The following PPP2R2C variants were observed in gnomAD, a reference collection of about 807,000 sequenced individuals.
The protein encoded by PPP2R2C is protein phosphatase 2 regulatory subunit Bgamma, also known as protein phosphatase 2, regulatory subunit B, gamma.
PPP2R2C carries 10 observed loss-of-function variants against 45.3 expected under a neutral mutation model. The ratio of observed to expected loss-of-function variants is 0.22; its 90% CI spans 0.14 to 0.37. The LOEUF is 0.37. Ranked by LOEUF, PPP2R2C falls within the 10% of genes least tolerant of loss-of-function variation. The probability of loss-of-function intolerance (pLI) is 1.00; values close to 1 mark genes in which losing one functional copy is unlikely to be tolerated. For synonymous variants in PPP2R2C, 257 were observed against 245.4 expected (o/e 1.05, Z -0.44); for missense variants, 308 against 619.7 (o/e 0.50, Z 5.34).
At chr4:6,559,337 C>T (rs1577258699) in intron 1 of PPP2R2C, among the ~76,000 whole-genome samples, 1 of 151,940 alleles carries the variant, frequency 6.6e-6, no homozygotes, top group African/African-American at 2.4e-5. Flanking sequence ...GCATAGTGCC[C>T]GTGCAGTGCC....
chr4:6,337,228 C>T (rs1002851297), intron 6 of PPP2R2C, among the ~76,000 whole-genome samples: 1 of 142,982 alleles, frequency 7.0e-6, no homozygotes, highest in Non-Finnish European at 1.5e-5. Flanking sequence ...TGATGCCTAC[C>T]GTAAAGAAAA....
At chr4:6,385,695 G>A (rs559251175) in intron 1 of PPP2R2C, among the ~76,000 whole-genome samples, 138 of 152,088 alleles carry the variant, frequency 9.1e-4, no homozygotes, top group Non-Finnish European at 1.5e-3. Context: ...TCAGCCTCCC[G>A]AGTAGTTGGG....
intron 1 of PPP2R2C, among the ~76,000 whole-genome samples, chr4:6,430,432 G>A (rs1482094843): frequency 1.3e-5 from 2 of 152,170 alleles, no homozygotes; most frequent in African/African-American, 4.8e-5. Flanking sequence ...AGGTCCAAGA[G>A]GAGAGAAATG....
intron 5 of PPP2R2C, among the ~76,000 whole-genome samples, chr4:6,371,280 C>A (rs1023235391): frequency 6.6e-6 from 1 of 152,258 alleles, no homozygotes; most frequent in Non-Finnish European, 1.5e-5. Context: ...GCTCTGTTCC[C>A]TTCCCGCTGT....
chr4:6,454,432 G>A (rs552835089), intron 1 of PPP2R2C, among the ~76,000 whole-genome samples: 9 of 152,290 alleles, frequency 5.9e-5, no homozygotes, highest in Non-Finnish European at 1.0e-4. Flanking sequence ...TACTTGATTC[G>A]GGAAAGCCAG....
intron 2 of PPP2R2C, among the ~76,000 whole-genome samples, chr4:6,481,301 C>T (rs148918902): frequency 6.6e-4 from 101 of 152,290 alleles, no homozygotes; most frequent in Admixed American, 1.2e-3. Flanking sequence ...TGTTTTAGGA[C>T]GTATACTTAC....
intron 1 of PPP2R2C, among the ~76,000 whole-genome samples, chr4:6,453,844 G>A (rs986045792): frequency 6.6e-6 from 1 of 152,174 alleles, no homozygotes; most frequent in Non-Finnish European, 1.5e-5. Flanking sequence ...GGCTGATGTG[G>A]GCACCTGCAA....
At chr4:6,427,940 G>A (rs1424501590) in intron 1 of PPP2R2C, among the ~76,000 whole-genome samples, 1 of 152,146 alleles carries the variant, frequency 6.6e-6, no homozygotes, top group African/African-American at 2.4e-5. Context: ...TCCCCTAACA[G>A]CCCAAGGAGG....
At chr4:6,524,749 G>A (rs990714454) in intron 2 of PPP2R2C, among the ~76,000 whole-genome samples, 1 of 152,172 alleles carries the variant, frequency 6.6e-6, no homozygotes, top group Non-Finnish European at 1.5e-5. Flanking sequence ...ATTAAGAAAG[G>A]ATTCATGTAC....
At chr4:6,451,815 C>T (rs1293298701) in intron 1 of PPP2R2C, among the ~76,000 whole-genome samples, 3 of 152,038 alleles carry the variant, frequency 2.0e-5, no homozygotes, top group African/African-American at 7.2e-5. Flanking sequence ...CTATTCCTGT[C>T]TAAGTTTGAA....
intron 3 of PPP2R2C, among the ~76,000 whole-genome samples, chr4:6,377,182 T>C (rs1715383544): frequency 6.6e-6 from 1 of 152,208 alleles, no homozygotes; most frequent in Admixed American, 6.5e-5. Context: ...AGCGTGGACG[T>C]CCTCGGGGAA....
Position 6,321,187 on chromosome 4 carries a change from A to G in PPP2R2C, c.*2115T>C, listed in dbSNP as rs1731530919. On this transcript the variant is annotated 3_prime_UTR_variant, in exon 9 of 9. Coordinates refer to ENST00000382599, the MANE Select transcript of PPP2R2C (RefSeq NM_020416.4). ...GTACTTTGAAGATGGTAAATGTTAA[A>G]TCTATGATGTGACAGTAACCTCTAG... is the stretch of plus-strand genomic sequence containing the variant. The G allele has an allele frequency of 6.6e-6, 1 of 152,288 alleles. No homozygotes were observed. Among genetic ancestry groups the G allele is most frequent in the African/African-American group, 2.4e-5 (1 of 41,470 alleles). 9.4% of individuals were successfully genotyped at this position (152,288 alleles called of 1,614,324 possible).
In PPP2R2C at chr4:6,332,197, G is replaced by C. The variant is rs1018118623; in HGVS notation, c.960+1365C>G. Among the ~76,000 whole-genome samples, 7 of 152,312 alleles carry C rather than the reference G, an allele frequency of 4.6e-5. No individual in the cohort carries two copies. Among genetic ancestry groups the C allele is most frequent in the South Asian group, 4.2e-4 (2 of 4,818 alleles). ...TAAGTGACCGGACAAGGGGCCGGAG[G>C]GGGTTGGAAATGTTCATTTCCCTGA... On this transcript the variant is annotated intron_variant, in intron 7 of 8. Coordinates refer to ENST00000382599, the MANE Select transcript of PPP2R2C (RefSeq NM_020416.4). The surrounding 1 kb of genome is among the most constrained non-coding windows in gnomAD (Gnocchi z 4.9).
intron 1 of PPP2R2C, among the ~76,000 whole-genome samples, chr4:6,399,550 A>C (rs1169879723): frequency 1.3e-5 from 2 of 152,194 alleles, no homozygotes; most frequent in Non-Finnish European, 2.9e-5. Flanking sequence ...ACAGGGTAGA[A>C]TTCATTAATT....
intron 2 of PPP2R2C, among the ~76,000 whole-genome samples, chr4:6,523,900 A>C (rs540933947): frequency 4.7e-4 from 72 of 152,198 alleles, no homozygotes; most frequent in African/African-American, 1.7e-3. Context: ...AGAAGGAATG[A>C]AGTTTTGTTT....
At chr4:6,485,764 C>T (rs1357891644) in intron 2 of PPP2R2C, among the ~76,000 whole-genome samples, 35 of 151,800 alleles carry the variant, frequency 2.3e-4, no homozygotes, top group Non-Finnish European at 1.5e-5. Flanking sequence ...TCTTATTGTC[C>T]TGGTCAGTCT....
At chr4:6,533,341 C>T (rs1724468942) in intron 2 of PPP2R2C, among the ~76,000 whole-genome samples, 1 of 152,164 alleles carries the variant, frequency 6.6e-6, no homozygotes, top group Admixed American at 6.5e-5. Context: ...CAGCCTCCCT[C>T]AAACAAGGCT....
In PPP2R2C at chr4:6,471,064, A is replaced by T. The variant is rs987342653; in HGVS notation, c.70+1096T>A. On this transcript the variant is annotated intron_variant, in intron 1 of 8. Transcript: ENST00000382599. The surrounding 1 kb of genome is among the most constrained non-coding windows in gnomAD (Gnocchi z 5.6). ...TCGAGGAGGCGGACCCAGCCGCAGGAGCCCGGTCTCCGCCGCCTGGCCCAC... is the reference window on the plus strand; with the variant it reads ...TCGAGGAGGCGGACCCAGCCGCAGGTGCCCGGTCTCCGCCGCCTGGCCCAC... Among the ~76,000 whole-genome samples, 1 of 152,098 alleles carries T rather than the reference A, an allele frequency of 6.6e-6. No individual in the cohort carries two copies. Among genetic ancestry groups the T allele is most frequent in the Non-Finnish European group, 1.5e-5 (1 of 67,986 alleles).
intron 5 of PPP2R2C, among the ~76,000 whole-genome samples, chr4:6,369,682 G>A (rs536634794): frequency 1.6e-4 from 25 of 152,140 alleles, no homozygotes; most frequent in African/African-American, 5.8e-4. Context: ...GCACACCCAT[G>A]CCCTCAGGCA....
Sources: allele counts gnomAD v4.1 joint callset (sites outside exome capture counted in the v4.1 genomes callset), GRCh38; gene constraint gnomAD v4.1.1; non-coding constraint Gnocchi (gnomAD v3.1); transcripts MANE v1.5; gene names NCBI Gene and HGNC (gene_info 2026-07-23, HGNC 2026-07-21).